The following CAMK2D variants were observed in gnomAD, a reference collection of about 807,000 sequenced individuals.
CAMK2D encodes calcium/calmodulin dependent protein kinase II delta.
A neutral mutation model predicts 84.0 loss-of-function variants in CAMK2D; 37 were observed. The ratio of observed to expected loss-of-function variants is 0.44; its 90% CI spans 0.34 to 0.58. CAMK2D has a LOEUF of 0.58. CAMK2D is among the 20% of genes least tolerant of loss of function. The probability of loss-of-function intolerance (pLI) is 0.02; values close to 1 mark genes in which losing one functional copy is unlikely to be tolerated. For missense variants in CAMK2D, 448 were observed against 652.5 expected, an observed-to-expected ratio of 0.69 and a Z score of 3.41; for synonymous variants, 202 against 212.5, an observed-to-expected ratio of 0.95 and a Z score of 0.43.
intron 2 of CAMK2D, chr4:113,754,601 C>T (rs1325569559): frequency 2.0e-6 from 2 of 982,834 alleles, no homozygotes; most frequent in Non-Finnish European, 2.4e-6. Context: ...CAGTATGGCA[C>T]CTGACAACCA....
intron 3 of CAMK2D, among the ~76,000 whole-genome samples, chr4:113,618,622 A>T (rs1159188764): frequency 6.6e-6 from 1 of 152,220 alleles, no homozygotes; most frequent in Non-Finnish European, 1.5e-5. Flanking sequence ...GTACTATAAT[A>T]TTATATTATC....
intron 2 of CAMK2D, among the ~76,000 whole-genome samples, chr4:113,732,185 G>A (rs943279455): frequency 6.6e-6 from 1 of 151,832 alleles, no homozygotes; most frequent in Non-Finnish European, 1.5e-5. Flanking sequence ...ATTCAGTGGT[G>A]CGATCATAGC....
At chr4:113,701,016 G>T (rs1202066488) in intron 2 of CAMK2D, among the ~76,000 whole-genome samples, 1 of 150,662 alleles carries the variant, frequency 6.6e-6, no homozygotes, top group Admixed American at 6.6e-5. Flanking sequence ...TACTGATGAT[G>T]CATGAAATCA....
intron 4 of CAMK2D, among the ~76,000 whole-genome samples, chr4:113,576,044 A>G (rs1268363734): frequency 6.6e-6 from 1 of 152,054 alleles, no homozygotes; most frequent in African/African-American, 2.4e-5. Flanking sequence ...TTTAATATAT[A>G]TATTTAGACA....
chr4:113,621,274 T>C (rs1217694794), intron 3 of CAMK2D, among the ~76,000 whole-genome samples: 1 of 152,200 alleles, frequency 6.6e-6, no homozygotes, highest in Non-Finnish European at 1.5e-5. Context: ...ATATGCATTT[T>C]AATTAAGTTT....
intron 3 of CAMK2D, 99 bp from the exon 4 acceptor site, chr4:113,609,305 T>C: frequency 1.4e-6 from 1 of 704,886 alleles, no homozygotes; most frequent in East Asian, 2.5e-5. Context: ...GCTAGAAATG[T>C]TGGCATTACA....
At chr4:113,719,114 C>T (rs573127443) in intron 2 of CAMK2D, among the ~76,000 whole-genome samples, 2 of 152,196 alleles carry the variant, frequency 1.3e-5, no homozygotes, top group South Asian at 4.1e-4. Context: ...TATAGCTTCA[C>T]GTTTGTCATC....
At chr4:113,736,594 G>T (rs1441594557) in intron 2 of CAMK2D, among the ~76,000 whole-genome samples, 1 of 152,164 alleles carries the variant, frequency 6.6e-6, no homozygotes, top group Non-Finnish European at 1.5e-5. Context: ...AATCAAGTTT[G>T]CAGATTCCCT....
chr4:113,604,510 T>C (rs2098969344), intron 4 of CAMK2D, among the ~76,000 whole-genome samples: 1 of 152,206 alleles, frequency 6.6e-6, no homozygotes, highest in Admixed American at 6.5e-5. Flanking sequence ...TAACTGCTGA[T>C]AATGCTCCTC....
intron 3 of CAMK2D, among the ~76,000 whole-genome samples, chr4:113,617,790 T>C (rs1203603908): frequency 1.3e-5 from 2 of 151,912 alleles, no homozygotes; most frequent in Non-Finnish European, 2.9e-5. Flanking sequence ...AACACCACCA[T>C]TCCTGGCTAG....
intron 4 of CAMK2D, among the ~76,000 whole-genome samples, chr4:113,560,793 T>C (rs775014087): frequency 3.4e-4 from 52 of 152,196 alleles, no homozygotes; most frequent in Admixed American, 5.9e-4. Context: ...ATTCTTGCTA[T>C]TTCCCCTATT....
chr4:113,495,828 A>G (rs527673976), intron 16 of CAMK2D, among the ~76,000 whole-genome samples: 1 of 152,270 alleles, frequency 6.6e-6, no homozygotes, highest in South Asian at 2.1e-4. Flanking sequence ...AAATGCAGCA[A>G]GAGATCCAAG....
intron 3 of CAMK2D, among the ~76,000 whole-genome samples, chr4:113,631,665 T>C (rs2099090249): frequency 6.6e-6 from 1 of 152,188 alleles, no homozygotes; most frequent in Admixed American, 6.5e-5. Context: ...GTCGTTGGCA[T>C]CTATTTGCTT....
rs914839407 is a variant in CAMK2D, at chr4:113,616,804, T to A, written c.221-7598A>T. Among the ~76,000 whole-genome samples the A allele has an allele frequency of 7.9e-5, 12 of 152,198 alleles. 1 individual carries two copies. The highest frequency in any genetic ancestry group is 6.6e-4 in the Admixed American group (10 of 15,262). On this transcript the variant is annotated intron_variant, in intron 3 of 20. Coordinates refer to ENST00000511664, the MANE Select transcript of CAMK2D (RefSeq NM_001321571.2). ...CTCATTTTTAATAAAAACATAAATTTAAGGGTAAAGTAAATAATAGATTTA... is the reference window on the plus strand; with the variant it reads ...CTCATTTTTAATAAAAACATAAATTAAAGGGTAAAGTAAATAATAGATTTA...
intron 15 of CAMK2D, 122 bp from the exon 16 acceptor site, chr4:113,500,633 A>G (rs1285934417): frequency 1.1e-5 from 6 of 554,052 alleles, no homozygotes; most frequent in Non-Finnish European, 1.9e-5. Context: ...GCATATGCTG[A>G]CATGCAAATG....
chr4:113,743,999 C>T (rs1367197643), intron 2 of CAMK2D, among the ~76,000 whole-genome samples: 4 of 152,054 alleles, frequency 2.6e-5, no homozygotes, highest in Non-Finnish European at 5.9e-5. Context: ...CGCCACCACA[C>T]CCGGCTAAAT....
chr4:113,748,146 C>T (rs1055535061), intron 2 of CAMK2D, among the ~76,000 whole-genome samples: 1 of 152,090 alleles, frequency 6.6e-6, no homozygotes, highest in African/African-American at 2.4e-5. Context: ...CACCTCAGAA[C>T]CCAGTAAACA....
Position 113,504,963 on chromosome 4 carries a change from A to C in CAMK2D, c.1044+13T>G. 1 of 1,505,198 alleles carries C rather than the reference A, an allele frequency of 6.6e-7. No individual in the cohort carries two copies. The highest frequency in any genetic ancestry group is 1.3e-5 in the South Asian group (1 of 78,508). 93.2% of individuals were successfully genotyped at this position (1,505,198 alleles called of 1,614,324 possible). ...AAAGAACTTAAGAAGGGTTACAAAG[A>C]GTCCAGGTATACCAGCGCTGGGGTA... On this transcript the variant is annotated intron_variant, in intron 14 of 20. Transcript: ENST00000511664.
chr4:113,692,711 C>A (rs2099391484), intron 2 of CAMK2D, among the ~76,000 whole-genome samples: 1 of 151,662 alleles, frequency 6.6e-6, no homozygotes, highest in Non-Finnish European at 1.5e-5. Context: ...CATACATATT[C>A]ATATATACAT....
Sources: gnomAD v4.1 joint callset for allele counts (sites outside exome capture counted in the v4.1 genomes callset) on GRCh38, gnomAD v4.1.1 for gene constraint, MANE v1.5 for transcripts, NCBI Gene and HGNC (gene_info 2026-07-23, HGNC 2026-07-21) for gene names.